Variants in TLCD3A observed in about 807,000 individuals in gnomAD.
The protein encoded by TLCD3A is TLC domain containing 3A.
TLCD3A carries 17 observed loss-of-function variants against 29.9 expected under a neutral mutation model. The observed-to-expected ratio is 0.57, with a 90% CI of 0.39 to 0.85. TLCD3A has a LOEUF of 0.85. TLCD3A is among the 40% of genes least tolerant of loss of function. The pLI is 0.00. For synonymous variants in TLCD3A, 143 were observed against 147.7 expected (o/e 0.97, Z 0.23); for missense variants, 332 against 350.8 (o/e 0.95, Z 0.43).
rs1232593045 is a variant in TLCD3A, at chr17:740,595, A to G, written c.499A>G (p.Ile167Val). ...TPFVSLGRVLIQLKQQHTLLY... is the reference protein window; with the variant it reads ...TPFVSLGRVLVQLKQQHTLLY... Reference sequence around the variant, plus strand: ...GTTTGTGTCGCTGGGCAGGGTTCTGATTCAGGCATGTATGAATGAAATGAC... The same window carrying G: ...GTTTGTGTCGCTGGGCAGGGTTCTGGTTCAGGCATGTATGAATGAAATGAC... Residue 167 changes from isoleucine (I) to valine (V), a missense_variant, in exon 4 of 5, where the codon ATT (isoleucine) becomes GTT (valine). Physicochemically the swap from Ile to Val is conservative, Grantham distance 29. Transcript: ENST00000308278. 2.5e-6 allele frequency: 4 copies of G among 1,611,032 alleles called. No individual in the cohort carries two copies. Among genetic ancestry groups the G allele is most frequent in the Non-Finnish European group, 3.4e-6 (4 of 1,177,452 alleles).
chr17:737,556 C>T (rs1205460625), intron 2 of TLCD3A, among the ~76,000 whole-genome samples: 1 of 152,094 alleles, frequency 6.6e-6, no homozygotes, highest in African/African-American at 2.4e-5. Context: ...TCAGTTTTAT[C>T]ACAAAATGCC....
rs1974255094 is a variant in TLCD3A, at chr17:741,558, A to C, written c.762A>C (p.Lys254Asn). Residue 254 changes from lysine (K) to asparagine (N), a missense_variant, in exon 5 of 5, where the codon AAA (lysine) becomes AAC (asparagine). Transcript: ENST00000308278. ...AVRLFDTPQA[K>N]KDG ...GGCTCTTTGACACTCCCCAAGCCAA[A>C]AAGGATGGCTAAATGCTCCTGGGAG... The C allele has an allele frequency of 6.2e-7, 1 of 1,612,994 alleles. No individual in the cohort carries two copies. The highest frequency in any genetic ancestry group is 1.3e-5 in the African/African-American group (1 of 74,908).
chr17:736,892 GA>G (rs1190568352), intron 2 of TLCD3A, among the ~76,000 whole-genome samples: 1 of 152,182 alleles, frequency 6.6e-6, no homozygotes, highest in Admixed American at 6.5e-5. Context: ...CTGACCTTGT[GA>G]TTCACCTGCC....
rs1974259300 is a variant in TLCD3A at position 741,777 on chromosome 17, G to A, written c.*207G>A. The A allele has an allele frequency of 1.6e-6, 1 of 620,870 alleles. No individual in the cohort carries two copies. The highest frequency in any genetic ancestry group is 2.8e-6 in the Non-Finnish European group (1 of 358,708). 38.5% of individuals were successfully genotyped at this position (620,870 alleles called of 1,614,324 possible). ...TTTGTAGTAACAACTATTGGGTCCT[G>A]TCAGACCTCCACGGACAGCAAAGTG... is the stretch of plus-strand genomic sequence containing the variant. On this transcript the variant is annotated 3_prime_UTR_variant, in exon 5 of 5. Coordinates refer to ENST00000308278, the MANE Select transcript of TLCD3A (RefSeq NM_024792.3).
rs772773532 is a variant in TLCD3A, at chr17:741,616, A to T, written c.*46A>T. On this transcript the variant is annotated 3_prime_UTR_variant, in exon 5 of 5. Transcript: ENST00000308278. ...CAGCCTCACACCAGCTGCCTCCTCC[A>T]CTCAGCATTCCATGGACCAAATTGT... 2 of 1,596,006 alleles carry T rather than the reference A, an allele frequency of 1.3e-6. No individual in the cohort carries two copies. The highest frequency in any genetic ancestry group is 1.7e-6 in the Non-Finnish European group (2 of 1,174,924).
At chr17:739,043 T>G (rs76036379) in intron 3 of TLCD3A, among the ~76,000 whole-genome samples, 7 of 152,142 alleles carry the variant, frequency 4.6e-5, no homozygotes, top group Admixed American at 4.6e-4. Context: ...ACACAGATTC[T>G]CAAAGCAAAT....
Sources: allele counts gnomAD v4.1 joint callset (sites outside exome capture counted in the v4.1 genomes callset), GRCh38; gene constraint gnomAD v4.1.1; transcripts MANE v1.5; gene names NCBI Gene and HGNC (gene_info 2026-07-23, HGNC 2026-07-21).